The following ACOT11 variants were observed in gnomAD, a reference collection of about 807,000 sequenced individuals.
ACOT11 encodes acyl-CoA thioesterase 11, also known as acyl-coenzyme A thioesterase 11.
Under a neutral mutation model 77.5 loss-of-function variants are expected in ACOT11, and 69 were observed. That is an observed-to-expected ratio of 0.89 (90% CI 0.73 to 1.09). The LOEUF (loss-of-function observed/expected upper bound fraction) is 1.09, where lower values mean the gene tolerates loss of function less well. ACOT11 is among the 50% of genes least tolerant of loss of function. The pLI, the probability that ACOT11 is intolerant of heterozygous loss-of-function variation, is 0.00. For missense variants in ACOT11, 766 were observed against 813.7 expected, an observed-to-expected ratio of 0.94 and a Z score of 0.71; for synonymous variants, 279 against 313.0, an observed-to-expected ratio of 0.89 and a Z score of 1.15.
rs148238018 is a variant in ACOT11, at chr1:54,599,297, C to T, written c.766C>T (p.Arg256Trp). 0.017 allele frequency: 26,681 copies of T among 1,561,580 alleles called. 284 individuals are homozygous for T. The highest frequency in any genetic ancestry group is 0.02 in the Non-Finnish European group (23,207 of 1,150,944). ...MENVATIAAS[R>W]LCRAHPTLKA... ...GTCTCCCCACCCCTGCCTCCTCAGCCGGCTCTGCCGTGCCCACCCTACGCT... is the reference window on the plus strand; with the variant it reads ...GTCTCCCCACCCCTGCCTCCTCAGCTGGCTCTGCCGTGCCCACCCTACGCT... Residue 256 changes from arginine to tryptophan, a missense_variant and splice_region_variant, in exon 8 of 16, where the codon CGG (arginine) becomes TGG (tryptophan). Coordinates refer to ENST00000343744, the MANE Select transcript of ACOT11 (RefSeq NM_147161.4).
intron 6 of ACOT11, 71 bp downstream of exon 6, chr1:54,594,762 A>C: frequency 6.5e-7 from 1 of 1,541,480 alleles, no homozygotes; most frequent in East Asian, 2.3e-5. Flanking sequence ...CCGGGCTCCC[A>C]CTGGGCAGAG....
chr1:54,621,532 G>A (rs950203077), intron 15 of ACOT11: 4 of 152,260 alleles, frequency 2.6e-5, no homozygotes, highest in South Asian at 2.1e-4. Context: ...GGTTGTGAAT[G>A]GCCTCGAACT....
chr1:54,562,261 C>CG (rs1557647267), intron 1 of ACOT11, among the ~76,000 whole-genome samples: 15 of 103,112 alleles, frequency 1.5e-4, no homozygotes, highest in African/African-American at 2.8e-4. Flanking sequence ...GCTGGCCAGG[C>CG]GGGGGGCTGA....
At chr1:54,589,944 C>T (rs992193420) in intron 3 of ACOT11, among the ~76,000 whole-genome samples, 3 of 152,028 alleles carry the variant, frequency 2.0e-5, no homozygotes, top group East Asian at 3.9e-4. Flanking sequence ...AAAAATTCGC[C>T]GGGCATGGTG....
intron 1 of ACOT11, among the ~76,000 whole-genome samples, chr1:54,561,248 G>A (rs1223110431): frequency 4.2e-5 from 5 of 118,992 alleles, no homozygotes; most frequent in African/African-American, 1.4e-4. Context: ...AGGACCCTGC[G>A]GCCTTCCGCA....
At chr1:54,575,007 C>T (rs1654056647) in intron 1 of ACOT11, among the ~76,000 whole-genome samples, 1 of 152,210 alleles carries the variant, frequency 6.6e-6, no homozygotes. Context: ...GAGGAAACAG[C>T]TTCTCAATAA....
chr1:54,609,257 C>A lies in ACOT11; in HGVS notation c.*145C>A, dbSNP rs1428073419. On this transcript the variant is annotated 3_prime_UTR_variant, in exon 16 of 16. Transcript: ENST00000343744. ...CGCCCTGAGGTCCGCTGGCCCACCA[C>A]CCCTGGGTGCTCAGTTTCTACCAAC... is the stretch of plus-strand genomic sequence containing the variant. 1.9e-6 allele frequency: 3 copies of A among 1,599,646 alleles called. No individual in the cohort carries two copies. Among genetic ancestry groups the A allele is most frequent in the Non-Finnish European group, 2.6e-6 (3 of 1,170,892 alleles).
At chr1:54,563,361 G>C (rs936701541) in intron 1 of ACOT11, among the ~76,000 whole-genome samples, 31 of 152,280 alleles carry the variant, frequency 2.0e-4, no homozygotes, top group African/African-American at 7.2e-4. Context: ...CAGCTCCATC[G>C]CTCACCGGCA....
intron 1 of ACOT11, among the ~76,000 whole-genome samples, chr1:54,562,713 C>T (rs1240603221): frequency 1.4e-4 from 11 of 75,968 alleles, no homozygotes; most frequent in Non-Finnish European, 2.2e-4. Flanking sequence ...CAGAGACGCT[C>T]CTCACCTCCC....
intron 1 of ACOT11, among the ~76,000 whole-genome samples, chr1:54,561,005 A>G (rs1653455955): frequency 6.6e-6 from 1 of 151,846 alleles, no homozygotes; most frequent in African/African-American, 2.4e-5. Flanking sequence ...TTACAAGGCA[A>G]TCCGCCCACC....
rs752367429 is a variant in ACOT11 at position 54,584,758 on chromosome 1, A to C, written c.137A>C (p.Glu46Ala). ...GGCGAGGGATACCGGAACCCCACGG[A>C]GGTGCAGATGAGCCAGCTGGTGCTG... Reference protein sequence around the residue: ...ADGEGYRNPTEVQMSQLVLPC... With the variant: ...ADGEGYRNPTAVQMSQLVLPC... Residue 46 changes from glutamate to alanine, a missense_variant, in exon 2 of 16, where the codon GAG (glutamate) becomes GCG (alanine). Coordinates refer to ENST00000343744, the MANE Select transcript of ACOT11 (RefSeq NM_147161.4). This position sits in a 1 kb window ranked among gnomAD's most constrained non-coding sequence, Gnocchi z 6.3. 2.1e-5 allele frequency: 34 copies of C among 1,613,958 alleles called. No individual in the cohort carries two copies. Among genetic ancestry groups the C allele is most frequent in the Non-Finnish European group, 2.8e-5 (33 of 1,180,032 alleles).
rs968041337 is a variant in ACOT11, at chr1:54,633,328, A to G, written c.1783-1360A>G. Among the ~76,000 whole-genome samples, 15 of 152,352 alleles carry G rather than the reference A, an allele frequency of 9.8e-5. 1 individual carries two copies. Among genetic ancestry groups the G allele is most frequent in the Non-Finnish European group, 2.9e-5 (2 of 68,038 alleles). ...TTCTCCTTGGAATTCTCCAGTTTTC[A>G]TAATTAAGAAAAAATCAGGTAAATG... is the stretch of plus-strand genomic sequence containing the variant. On this transcript the variant is annotated intron_variant, in intron 16 of 16. Coordinates refer to the ACOT11 transcript ENST00000371316.
chr1:54,602,692 G>A lies in ACOT11; in HGVS notation c.1053G>A (p.Glu351=). The A allele has an allele frequency of 6.4e-7, 1 of 1,558,450 alleles. No homozygotes were observed. Among genetic ancestry groups the A allele is most frequent in the Non-Finnish European group, 8.7e-7 (1 of 1,153,298 alleles). ...AGGATGGTGAGCGGCGGTACCGAGA[G>A]GCCAGTGCCAGAAAGAAGATCCGCC... ...QPGDGERRYR[E]ASARKKIRLD... Residue 351 remains glutamate (E), a synonymous_variant, in exon 10 of 16, where the codon GAG becomes GAA. Coordinates refer to ENST00000343744, the MANE Select transcript of ACOT11 (RefSeq NM_147161.4).
chr1:54,630,884 G>T (rs199528592), exon 16 of ACOT11: 2 of 736,656 alleles, frequency 2.7e-6, no homozygotes, highest in Admixed American at 2.0e-5. Context: ...AGCAATCCCC[G>T]TGGTGAGTAA....
At chr1:54,637,731 G>A (rs1644338941) in exon 17 of ACOT11, 1 of 152,222 alleles carries the variant, frequency 6.6e-6, no homozygotes, top group Non-Finnish European at 1.5e-5. Context: ...AGGTTACAGT[G>A]AGCAGAGATC....
chr1:54,570,477 C>T (rs1227913771), intron 1 of ACOT11, among the ~76,000 whole-genome samples: 1 of 152,212 alleles, frequency 6.6e-6, no homozygotes, highest in African/African-American at 2.4e-5. Context: ...TTAGGCCCTT[C>T]CTCACTAGAA....
intron 1 of ACOT11, among the ~76,000 whole-genome samples, chr1:54,570,794 C>T (rs996380018): frequency 3.9e-5 from 6 of 152,104 alleles, no homozygotes; most frequent in Non-Finnish European, 7.4e-5. Context: ...GACTCTCCTG[C>T]CTCAGCCTAC....
Position 54,634,574 on chromosome 1 carries a change from A to G in ACOT11, c.1783-114A>G, listed in dbSNP as rs977721441. The G allele has an allele frequency of 1.8e-5, 11 of 609,492 alleles. No homozygotes were observed. In the African/African-American group the frequency reaches 1.9e-4, roughly 10 times the overall value. The allele number at this position is 609,492 out of a possible 1,614,324, so 37.8% of individuals were successfully genotyped here. ...AAGGTGGAAAAATAGGGATTACAGA[A>G]CAGCCCATACACAATTGAATCTAGC... On this transcript the variant is annotated intron_variant, in intron 16 of 16. Coordinates refer to the ACOT11 transcript ENST00000371316.
In ACOT11 at chr1:54,605,078, C is replaced by G. The variant is rs1644009169; in HGVS notation, c.1239C>G (p.Val413=). The G allele has an allele frequency of 6.2e-7, 1 of 1,613,002 alleles. No individual in the cohort carries two copies. The highest frequency in any genetic ancestry group is 8.5e-7 in the Non-Finnish European group (1 of 1,179,714). Residue 413 remains valine (V), a splice_region_variant and synonymous_variant, in exon 13 of 16, where the codon GTC becomes GTG. Coordinates refer to ENST00000343744, the MANE Select transcript of ACOT11 (RefSeq NM_147161.4). ...AGGCTGCCCTCTATCCCATGCAGGT[C>G]CGCCTGTACACTCTGGAGGATGACA... ...NWVLSSEISQ[V]RLYTLEDDKF... is the part of the protein sequence containing the mutation.
Sources: gnomAD v4.1 joint callset for allele counts (sites outside exome capture counted in the v4.1 genomes callset) on GRCh38, gnomAD v4.1.1 for gene constraint, Gnocchi (gnomAD v3.1) non-coding constraint, MANE v1.5 for transcripts, NCBI Gene and HGNC (gene_info 2026-07-23, HGNC 2026-07-21) for gene names.